Variants in ARMH3 observed in about 807,000 individuals in gnomAD.
ARMH3 encodes the protein armadillo-like helical domain-containing protein 3.
ARMH3 carries 60 observed loss-of-function variants against 99.1 expected under a neutral mutation model. The ratio of observed to expected loss-of-function variants is 0.61; its 90% CI spans 0.49 to 0.75. The LOEUF (loss-of-function observed/expected upper bound fraction) is 0.75, where lower values mean the gene tolerates loss of function less well. Among genes scored for constraint, ARMH3 ranks in the 30% least tolerant of loss-of-function variants. The probability of loss-of-function intolerance (pLI) is 0.00; values close to 1 mark genes in which losing one functional copy is unlikely to be tolerated. For missense variants in ARMH3, 679 were observed against 843.1 expected, an observed-to-expected ratio of 0.81 and a Z score of 2.41; for synonymous variants, 285 against 292.8, an observed-to-expected ratio of 0.97 and a Z score of 0.27.
chr10:102,022,809 T>C (rs1159454939), intron 8 of ARMH3, among the ~76,000 whole-genome samples: 1 of 151,130 alleles, frequency 6.6e-6, no homozygotes. Flanking sequence ...CTCGATCTCC[T>C]GACCTCGTGA....
chr10:101,907,981 T>G (rs1216746945), intron 23 of ARMH3, among the ~76,000 whole-genome samples: 16 of 152,210 alleles, frequency 1.1e-4, no homozygotes, highest in Admixed American at 1.0e-3. Flanking sequence ...GTAAGGAATT[T>G]TTAGCCAACC....
chr10:101,953,766 T>C (rs760922923), intron 22 of ARMH3, among the ~76,000 whole-genome samples: 33 of 152,132 alleles, frequency 2.2e-4, no homozygotes, highest in Non-Finnish European at 4.0e-4. Context: ...ACAACTTTCA[T>C]GCATTGCTGG....
intron 24 of ARMH3, among the ~76,000 whole-genome samples, chr10:101,852,859 C>T (rs1286338219): frequency 6.6e-6 from 1 of 151,570 alleles, no homozygotes; most frequent in African/African-American, 2.4e-5. Flanking sequence ...CTGCCCGTTG[C>T]CACCTCCCCC....
At chr10:101,895,668 A>G (rs927077691) in intron 23 of ARMH3, among the ~76,000 whole-genome samples, 4 of 152,168 alleles carry the variant, frequency 2.6e-5, no homozygotes, top group African/African-American at 4.8e-5. Context: ...GCACAAATGA[A>G]AAAGAAAAAG....
chr10:102,044,024 C>T (rs1040729706), intron 1 of ARMH3, among the ~76,000 whole-genome samples: 13 of 151,718 alleles, frequency 8.6e-5, no homozygotes, highest in Non-Finnish European at 1.3e-4. Context: ...TTAAGTAATT[C>T]TTGTGCCTCA....
At chr10:101,991,900 CTCTTCA>C (rs1846814303) in intron 18 of ARMH3, 63 bp downstream of exon 18, 3 of 1,383,660 alleles carry the variant, frequency 2.2e-6, no homozygotes, top group Middle Eastern at 1.8e-4. Flanking sequence ...ACAGGTTCTA[CTCTTCA>C]TCTTCATCAT....
At chr10:101,976,303 G>A (rs1846003971) in intron 19 of ARMH3, among the ~76,000 whole-genome samples, 1 of 148,406 alleles carries the variant, frequency 6.7e-6, no homozygotes, top group East Asian at 2.0e-4. Context: ...TCGGGCCACT[G>A]TACTCCAGCC....
intron 23 of ARMH3, among the ~76,000 whole-genome samples, chr10:101,900,694 C>T (rs1005057857): frequency 4.6e-5 from 7 of 152,132 alleles, no homozygotes; most frequent in African/African-American, 7.2e-5. Context: ...AAAATAAAGG[C>T]GAATTGGCTG....
intron 22 of ARMH3, among the ~76,000 whole-genome samples, chr10:101,943,527 A>ATAATTCCAGAATAAAT: frequency 6.6e-6 from 1 of 152,198 alleles, no homozygotes. Context: ...ACATAACATA[A>ATAATTCCAGAATAAAT]TCAAATTCCA....
chr10:102,036,100 C>T (rs1430360034), intron 2 of ARMH3, among the ~76,000 whole-genome samples: 6 of 151,020 alleles, frequency 4.0e-5, no homozygotes, highest in Non-Finnish European at 7.4e-5. Flanking sequence ...GCAGCCACCC[C>T]GTCTGGGAGG....
intron 24 of ARMH3, among the ~76,000 whole-genome samples, chr10:101,888,239 C>T (rs189229845): frequency 2.6e-5 from 4 of 152,078 alleles, no homozygotes; most frequent in Admixed American, 1.3e-4. Flanking sequence ...CACAAAGCAC[C>T]TCACAGACAG....
intron 20 of ARMH3, among the ~76,000 whole-genome samples, chr10:101,969,085 A>C (rs1300028919): frequency 6.6e-6 from 1 of 152,188 alleles, no homozygotes; most frequent in Non-Finnish European, 1.5e-5. Flanking sequence ...TTTAAAAACA[A>C]GATAGAAATA....
At chr10:101,879,310 T>A (rs2067350650) in intron 24 of ARMH3, among the ~76,000 whole-genome samples, 1 of 152,090 alleles carries the variant, frequency 6.6e-6, no homozygotes, top group Non-Finnish European at 1.5e-5. Flanking sequence ...AGTGTACTCA[T>A]CTATAAAATG....
chr10:101,855,777 A>T (rs936961462), intron 24 of ARMH3, among the ~76,000 whole-genome samples: 16 of 147,312 alleles, frequency 1.1e-4, no homozygotes, highest in East Asian at 9.8e-4. Context: ...TAAATATATT[A>T]TATATATATA....
intron 8 of ARMH3, among the ~76,000 whole-genome samples, chr10:102,019,927 CAA>C (rs35874445): frequency 1.1e-3 from 114 of 108,450 alleles, no homozygotes; most frequent in East Asian, 1.6e-3. Flanking sequence ...GACTCTGTCT[CAA>C]AAAAAAAAAA....
At chr10:101,956,562 G>A (rs994151618) in intron 22 of ARMH3, 35 bp downstream of exon 22, 1 of 1,606,538 alleles carries the variant, frequency 6.2e-7, no homozygotes, top group Non-Finnish European at 8.5e-7. Flanking sequence ...CTAGACAAAT[G>A]GTGGAGAGAG....
intron 19 of ARMH3, among the ~76,000 whole-genome samples, chr10:101,981,849 T>G (rs1365599094): frequency 6.6e-6 from 1 of 151,484 alleles, no homozygotes; most frequent in Non-Finnish European, 1.5e-5. Context: ...AAACCCCGTC[T>G]CTATCTAAAA....
intron 24 of ARMH3, among the ~76,000 whole-genome samples, chr10:101,872,371 C>G (rs941838341): frequency 3.3e-5 from 5 of 152,012 alleles, no homozygotes; most frequent in Non-Finnish European, 5.9e-5. Context: ...GATCTGGACA[C>G]TTCACAAAAG....
chr10:102,013,380 A>C (rs1443423650), intron 9 of ARMH3, among the ~76,000 whole-genome samples: 1 of 152,230 alleles, frequency 6.6e-6, no homozygotes, highest in Non-Finnish European at 1.5e-5. Flanking sequence ...TGCATAACAC[A>C]AAGATCAATT....
Sources: allele counts gnomAD v4.1 joint callset (sites outside exome capture counted in the v4.1 genomes callset), GRCh38; gene constraint gnomAD v4.1.1; transcripts MANE v1.5; gene names NCBI Gene and HGNC (gene_info 2026-07-23, HGNC 2026-07-21).